The following GNL3L variants were observed in gnomAD, a reference collection of about 807,000 sequenced individuals.
GNL3L encodes guanine nucleotide-binding protein-like 3-like protein.
Under a neutral mutation model 42.9 loss-of-function variants are expected in GNL3L, and 4 were observed. The observed-to-expected ratio is 0.09, with a 90% CI of 0.05 to 0.21. The LOEUF (loss-of-function observed/expected upper bound fraction) is 0.21, where lower values mean the gene tolerates loss of function less well. Ranked by LOEUF, GNL3L falls within the 10% of genes least tolerant of loss-of-function variation. GNL3L has a pLI of 1.00. For missense variants in GNL3L, 412 were observed against 481.7 expected, an observed-to-expected ratio of 0.86 and a Z score of 1.36; for synonymous variants, 159 against 176.3, an observed-to-expected ratio of 0.90 and a Z score of 0.78.
intron 16 of GNL3L, among the ~76,000 whole-genome samples, chrX:54,581,411 A>AT (rs1200545407): frequency 3.6e-5 from 4 of 110,608 alleles, no homozygotes; most frequent in Non-Finnish European, 7.6e-5. Flanking sequence ...TTTTTAAATT[A>AT]TTTTTTGTAG....
At chrX:54,614,503 C>T (rs932967523) in intron 16 of GNL3L, among the ~76,000 whole-genome samples, 6 of 111,245 alleles carry the variant, frequency 5.4e-5, no homozygotes, top group Non-Finnish European at 1.1e-4. Flanking sequence ...TGGAGCTTTA[C>T]CCCCTGCTCC....
chrX:54,553,691 C>A (rs1033957923), intron 13 of GNL3L, among the ~76,000 whole-genome samples: 1 of 111,098 alleles, frequency 9.0e-6, no homozygotes, highest in Non-Finnish European at 1.9e-5. Context: ...AGGTGTGCAC[C>A]ACCACGCCTG....
chrX:54,613,584 A>G (rs1926188434), intron 16 of GNL3L, among the ~76,000 whole-genome samples: 1 of 110,681 alleles, frequency 9.0e-6, no homozygotes, highest in South Asian at 3.9e-4. Context: ...GGGAAGGTCT[A>G]AGGCTGAAGG....
chrX:54,632,960 C>T, the GNL3L span, among the ~76,000 whole-genome samples: 21 of 111,198 alleles, frequency 1.9e-4, no homozygotes, highest in Non-Finnish European at 3.4e-4. Context: ...TGGGGTGGTC[C>T]CTTGATGGAG....
At chrX:54,587,951 A>G (rs1925809667) in intron 16 of GNL3L, among the ~76,000 whole-genome samples, 1 of 111,945 alleles carries the variant, frequency 8.9e-6, no homozygotes, top group Admixed American at 9.5e-5. Flanking sequence ...AAAGTGCTAG[A>G]TTACAGGCGT....
chrX:54,564,171 T>C lies in GNL3L; in HGVS notation c.*3569T>C, dbSNP rs1477179610. ...AATCATACAATGAGTAGGCTTATTT[T>C]ATGCCTTCAGGTTTTAAAAATTATA... On this transcript the variant is annotated 3_prime_UTR_variant, in exon 16 of 16. Coordinates refer to ENST00000360845, the MANE Select transcript of GNL3L (RefSeq NM_001184819.2). Among the ~76,000 whole-genome samples, 2 of 111,179 alleles carry C rather than the reference T, an allele frequency of 1.8e-5. No homozygotes were observed. Among genetic ancestry groups the C allele is most frequent in the Non-Finnish European group, 3.8e-5 (2 of 53,105 alleles).
intron 8 of GNL3L, among the ~76,000 whole-genome samples, chrX:54,546,819 T>C (rs1009454028): frequency 3.8e-5 from 4 of 106,323 alleles, no homozygotes; most frequent in Admixed American, 1.0e-4. Flanking sequence ...GCTAATTTTG[T>C]ATTTTTAGTA....
At chrX:54,588,158 T>C (rs1399457652) in intron 16 of GNL3L, among the ~76,000 whole-genome samples, 1 of 112,165 alleles carries the variant, frequency 8.9e-6, no homozygotes, top group African/African-American at 3.2e-5. Context: ...CTCTGCAAAT[T>C]TGGACAGCTT....
chrX:54,541,460 A>T, intron 5 of GNL3L, 71 bp downstream of exon 5: 1 of 593,497 alleles, frequency 1.7e-6, no homozygotes, highest in South Asian at 2.4e-5. Flanking sequence ...GTGAAAGGGA[A>T]GAAGGTGTGA....
the GNL3L span, among the ~76,000 whole-genome samples, chrX:54,641,093 A>G: frequency 9.0e-6 from 1 of 111,119 alleles, no homozygotes; most frequent in Non-Finnish European, 1.9e-5. Flanking sequence ...ATCTAAAGGG[A>G]GGTATCCAGG....
chrX:54,617,262 A>T (rs1309941130), intron 16 of GNL3L, among the ~76,000 whole-genome samples: 1 of 111,956 alleles, frequency 8.9e-6, no homozygotes, highest in Non-Finnish European at 1.9e-5. Flanking sequence ...GGAAAAAGGA[A>T]ACCCACATCC....
At chrX:54,534,156 C>T (rs752836656) in intron 2 of GNL3L, among the ~76,000 whole-genome samples, 16 of 105,372 alleles carry the variant, frequency 1.5e-4, no homozygotes, top group African/African-American at 5.9e-4. Context: ...GCTGGGATTA[C>T]AGGCGTGAGC....
At chrX:54,620,365 C>T (rs947303428) in intron 16 of GNL3L, among the ~76,000 whole-genome samples, 3 of 111,604 alleles carry the variant, frequency 2.7e-5, no homozygotes, top group African/African-American at 9.8e-5. Context: ...TTTTTAGCTC[C>T]CACAAATAAG....
chrX:54,590,777 A>G (rs1925860129), intron 16 of GNL3L, among the ~76,000 whole-genome samples: 1 of 110,904 alleles, frequency 9.0e-6, no homozygotes, highest in Admixed American at 9.6e-5. Context: ...TTATTTATTT[A>G]TTTATTTAGG....
chrX:54,633,828 G>T, the GNL3L span, among the ~76,000 whole-genome samples: 1 of 112,661 alleles, frequency 8.9e-6, no homozygotes, highest in Non-Finnish European at 1.9e-5. Context: ...CTTGCCTCTG[G>T]CTGCAAAGCT....
At chrX:54,640,321 G>A in the GNL3L span, among the ~76,000 whole-genome samples, 5 of 111,508 alleles carry the variant, frequency 4.5e-5, no homozygotes, top group Admixed American at 9.5e-5. Flanking sequence ...ATAAAGTTAA[G>A]GCCTTTTTAA....
At chrX:54,591,128 G>A (rs759426170) in intron 16 of GNL3L, among the ~76,000 whole-genome samples, 2 of 111,429 alleles carry the variant, frequency 1.8e-5, no homozygotes, top group East Asian at 5.7e-4. Context: ...ACCGTCCCCA[G>A]CCTGAGGTCT....
intron 16 of GNL3L, among the ~76,000 whole-genome samples, chrX:54,607,103 TTCTTTC>T (rs1436403909): frequency 1.3e-5 from 1 of 79,366 alleles, no homozygotes; most frequent in Non-Finnish European, 2.3e-5. Context: ...CTTTCTTTCT[TTCTTTC>T]TTTCTTTCTT....
At chrX:54,607,015 T>TCTTC (rs1926077634) in intron 16 of GNL3L, among the ~76,000 whole-genome samples, 2 of 41,932 alleles carry the variant, frequency 4.8e-5, no homozygotes, top group South Asian at 2.4e-3. Flanking sequence ...TTTCTTTCTT[T>TCTTC]CTTTCTTTCT....
Sources: allele counts gnomAD v4.1 joint callset (sites outside exome capture counted in the v4.1 genomes callset), GRCh38; gene constraint gnomAD v4.1.1; transcripts MANE v1.5; gene names NCBI Gene and HGNC (gene_info 2026-07-23, HGNC 2026-07-21).